CNTNAP3: variants seen among roughly 807,000 people sequenced by gnomAD.
The protein encoded by CNTNAP3 is contactin-associated protein-like 3.
CNTNAP3 carries 36 observed loss-of-function variants against 92.1 expected under a neutral mutation model. That is an observed-to-expected ratio of 0.39 (90% confidence interval 0.30 to 0.52). The LOEUF is 0.52. CNTNAP3 is among the 20% of genes least tolerant of loss of function. CNTNAP3 has a pLI of 0.76. For missense variants in CNTNAP3, 534 were observed against 1,069.6 expected (o/e 0.50, Z 6.98); for synonymous variants, 232 against 422.3 (o/e 0.55, Z 5.53).
intron 16 of CNTNAP3, among the ~76,000 whole-genome samples, chr9:39,103,317 C>A (rs1478972409): frequency 6.6e-6 from 1 of 152,160 alleles, no homozygotes; most frequent in Non-Finnish European, 1.5e-5. Flanking sequence ...TGTGGCAGTT[C>A]ACACCTGTAA....
intron 17 of CNTNAP3, among the ~76,000 whole-genome samples, chr9:39,100,950 G>A (rs545954283): frequency 2.0e-4 from 30 of 150,230 alleles, no homozygotes; most frequent in Non-Finnish European, 1.0e-4. Context: ...CTAAGGTGGG[G>A]GCCCCAAATC....
intron 13 of CNTNAP3, among the ~76,000 whole-genome samples, chr9:39,131,463 GGA>G (rs1254124183): frequency 2.6e-5 from 4 of 151,866 alleles, no homozygotes; most frequent in Non-Finnish European, 5.9e-5. Flanking sequence ...GGCATCCAGG[GGA>G]GAGAGGGATC....
intron 14 of CNTNAP3, among the ~76,000 whole-genome samples, chr9:39,114,958 A>G (rs1820819911): frequency 6.6e-6 from 1 of 150,980 alleles, no homozygotes; most frequent in Non-Finnish European, 1.5e-5. Flanking sequence ...ATTTATACAC[A>G]TATATTGACT....
chr9:39,118,673 C>T (rs1357399293), intron 13 of CNTNAP3, among the ~76,000 whole-genome samples: 1 of 152,156 alleles, frequency 6.6e-6, no homozygotes, highest in Non-Finnish European at 1.5e-5. Flanking sequence ...TATCTCATCC[C>T]ATCTTTTTGC....
intron 23 of CNTNAP3, among the ~76,000 whole-genome samples, chr9:39,077,410 AG>A: frequency 6.6e-6 from 1 of 151,804 alleles, no homozygotes; most frequent in Non-Finnish European, 1.5e-5. Flanking sequence ...TACAAAAAAT[AG>A]CCAGGCGTGG....
intron 13 of CNTNAP3, among the ~76,000 whole-genome samples, chr9:39,127,383 C>T (rs7029701): frequency 1.3e-5 from 2 of 151,590 alleles, no homozygotes; most frequent in African/African-American, 4.8e-5. Flanking sequence ...AACTAGAAAA[C>T]AAAATTAACT....
At chr9:39,099,013 C>T (rs1237704731) in intron 18 of CNTNAP3, among the ~76,000 whole-genome samples, 3 of 151,710 alleles carry the variant, frequency 2.0e-5, no homozygotes, top group South Asian at 2.1e-4. Flanking sequence ...CTCACTCTGC[C>T]GCCCAGGAGT....
At chr9:39,148,630 A>G (rs1174843741) in intron 10 of CNTNAP3, among the ~76,000 whole-genome samples, 2 of 149,464 alleles carry the variant, frequency 1.3e-5, no homozygotes, top group Non-Finnish European at 3.0e-5. Flanking sequence ...GGTTCACGCC[A>G]TTCTCCTGCC....
intron 9 of CNTNAP3, among the ~76,000 whole-genome samples, chr9:39,155,676 TAATA>T (rs534656198): frequency 4.6e-4 from 64 of 139,584 alleles, no homozygotes; most frequent in African/African-American, 1.6e-3. Flanking sequence ...AAATCCTTTT[TAATA>T]AATAAATAAA....
At chr9:39,125,669 G>C (rs1821137626) in intron 13 of CNTNAP3, among the ~76,000 whole-genome samples, 1 of 152,046 alleles carries the variant, frequency 6.6e-6, no homozygotes, top group Non-Finnish European at 1.5e-5. Flanking sequence ...CAAAAAGAAA[G>C]CCAGAGTATC....
chr9:39,148,276 T>C (rs1821751736), intron 10 of CNTNAP3, among the ~76,000 whole-genome samples: 1 of 152,212 alleles, frequency 6.6e-6, no homozygotes, highest in African/African-American at 2.4e-5. Context: ...TTAATTCATT[T>C]TTCCTACAAA....
intron 13 of CNTNAP3, among the ~76,000 whole-genome samples, chr9:39,121,013 T>A (rs561123512): frequency 1.3e-5 from 2 of 152,206 alleles, no homozygotes; most frequent in East Asian, 3.9e-4. Context: ...GATATTTAAG[T>A]TGACTGTGGT....
chr9:39,094,082 G>C (rs1250615458), intron 18 of CNTNAP3, among the ~76,000 whole-genome samples: 1 of 151,286 alleles, frequency 6.6e-6, no homozygotes, highest in African/African-American at 2.4e-5. Flanking sequence ...GGTTTGAAGA[G>C]GCAGCTCATT....
chr9:39,147,451 T>C (rs1393467971), intron 10 of CNTNAP3, among the ~76,000 whole-genome samples: 1 of 152,216 alleles, frequency 6.6e-6, no homozygotes. Flanking sequence ...CTAATTTTAT[T>C]GCTTTATAAA....
chr9:39,112,473 C>G (rs1362680413), intron 14 of CNTNAP3, among the ~76,000 whole-genome samples: 1 of 152,088 alleles, frequency 6.6e-6, no homozygotes, highest in Non-Finnish European at 1.5e-5. Flanking sequence ...TCAAGCAATT[C>G]TCCTGCCTCA....
At chr9:39,111,002 C>T (rs1826734491) in intron 14 of CNTNAP3, among the ~76,000 whole-genome samples, 1 of 151,954 alleles carries the variant, frequency 6.6e-6, no homozygotes, top group Non-Finnish European at 1.5e-5. Context: ...TTCATCATTG[C>T]AACACTTTTG....
In CNTNAP3 at chr9:39,218,459, T is replaced by C. The variant is rs1429357515; in HGVS notation, c.390+20534A>G. Among the ~76,000 whole-genome samples the C allele has an allele frequency of 2.2e-4, 2 of 9,266 alleles. 1 individual carries two copies. Among genetic ancestry groups the C allele is most frequent in the Admixed American group, 6.0e-3 (2 of 334 alleles). The allele number at this position is 9,266 out of a possible 152,430, so 6.1% of individuals were successfully genotyped here. ...ATTATTATTATTATTTGAGACGGAG[T>C]CTTGCTCTGTCGCCCAGGCTGGAGT... On this transcript the variant is annotated intron_variant, in intron 3 of 23. Coordinates refer to ENST00000297668, the MANE Select transcript of CNTNAP3 (RefSeq NM_033655.5).
In CNTNAP3 at chr9:39,074,501, C is replaced by T. The variant is rs370373216; in HGVS notation, c.3746-490G>A. On this transcript the variant is annotated intron_variant, in intron 23 of 23. Transcript: ENST00000297668. ...TTTATAACATTTAACATACTTCTGACGGACTATGACTTTTGGATATGGCTG... is the reference window on the plus strand; with the variant it reads ...TTTATAACATTTAACATACTTCTGATGGACTATGACTTTTGGATATGGCTG... Among the ~76,000 whole-genome samples the T allele has an allele frequency of 9.3e-5, 14 of 151,342 alleles. No homozygotes were observed. In the South Asian group the frequency reaches 1.7e-3, roughly 18 times the overall value.
intron 18 of CNTNAP3, among the ~76,000 whole-genome samples, chr9:39,096,623 C>T (rs934373565): frequency 7.3e-5 from 11 of 150,374 alleles, no homozygotes; most frequent in African/African-American, 2.4e-4. Flanking sequence ...TATAGTCATC[C>T]TGTGCTACTG....
Sources: gnomAD v4.1 joint callset for allele counts (sites outside exome capture counted in the v4.1 genomes callset) on GRCh38, gnomAD v4.1.1 for gene constraint, MANE v1.5 for transcripts, NCBI Gene and HGNC (gene_info 2026-07-23, HGNC 2026-07-21) for gene names.